The following MAST2 variants were observed in gnomAD, a reference collection of about 807,000 sequenced individuals.
MAST2 encodes the protein microtubule-associated serine/threonine-protein kinase 2.
MAST2 carries 70 observed loss-of-function variants against 147.4 expected under a neutral mutation model. The ratio of observed to expected loss-of-function variants is 0.47; its 90% confidence interval spans 0.39 to 0.58. The LOEUF is 0.58. Among genes scored for constraint, MAST2 ranks in the 20% least tolerant of loss-of-function variants. MAST2 has a pLI of 0.00. For synonymous variants in MAST2, 869 were observed against 896.8 expected (o/e 0.97, Z 0.55); for missense variants, 2,080 against 2,302.3 (o/e 0.90, Z 1.98).
In MAST2 at chr1:45,877,898, A is replaced by G. The variant is rs115378487; in HGVS notation, c.469-4466A>G. Among the ~76,000 whole-genome samples, 1,268 of 152,306 alleles carry G rather than the reference A, an allele frequency of 8.3e-3. 20 individuals are homozygous for G. Among genetic ancestry groups the G allele is most frequent in the African/African-American group, 0.029 (1,195 of 41,566 alleles). ...AGATATTAGCTAATAGAATCTAGCA[A>G]TGTATTTGATAAAATTGAAGTTAGG... On this transcript the variant is annotated intron_variant, in intron 3 of 28. Transcript: ENST00000361297.
In MAST2 at chr1:45,811,727, G is replaced by A. The variant is rs539344277; in HGVS notation, c.177+7655G>A. Among the ~76,000 whole-genome samples the A allele has an allele frequency of 7.2e-4, 106 of 147,894 alleles. 1 individual carries two copies. The highest frequency in any genetic ancestry group is 2.6e-3 in the African/African-American group (104 of 39,954). ...TGGCTCACTGCAAGCTCTGCCTCCC[G>A]GGTTCCCGCCGTTCTCCTGCCTCAG... On this transcript the variant is annotated intron_variant, in intron 1 of 28. Coordinates refer to ENST00000361297, the MANE Select transcript of MAST2 (RefSeq NM_015112.3).
intron 4 of MAST2, among the ~76,000 whole-genome samples, chr1:45,901,609 C>T (rs779897274): frequency 1.5e-4 from 23 of 152,252 alleles, no homozygotes; most frequent in Non-Finnish European, 2.8e-4. Flanking sequence ...TTCTTCCTAT[C>T]CATGATCATA....
chr1:45,924,613 C>CT (rs927720764), intron 4 of MAST2, among the ~76,000 whole-genome samples: 1 of 152,112 alleles, frequency 6.6e-6, no homozygotes, highest in African/African-American at 2.4e-5. Flanking sequence ...ATTAGGATGT[C>CT]TTTTTTATCT....
At chr1:45,992,087 G>C (rs1174828118) in intron 5 of MAST2, among the ~76,000 whole-genome samples, 1 of 152,146 alleles carries the variant, frequency 6.6e-6, no homozygotes, top group Non-Finnish European at 1.5e-5. Context: ...AATAGGAGTA[G>C]TGAGAGGCCA....
At chr1:46,025,586 C>T (rs935439935) in intron 15 of MAST2, 91 bp from the exon 16 acceptor site, 117 of 1,492,642 alleles carry the variant, frequency 7.8e-5, no homozygotes, top group Non-Finnish European at 9.4e-5. Context: ...GAAGCTGTCT[C>T]CTCTGGGACC....
intron 1 of MAST2, among the ~76,000 whole-genome samples, chr1:45,822,889 C>G (rs1644679457): frequency 6.6e-6 from 1 of 152,174 alleles, no homozygotes; most frequent in Non-Finnish European, 1.5e-5. Context: ...CCCTTGCTAC[C>G]TTCTGTTTTT....
At chr1:45,951,945 G>A (rs1001883881) in intron 4 of MAST2, among the ~76,000 whole-genome samples, 1 of 152,102 alleles carries the variant, frequency 6.6e-6, no homozygotes, top group South Asian at 2.1e-4. Context: ...AGCATGGTGA[G>A]TCCCCACTAT....
At chr1:45,853,893 C>G (rs7547284) in intron 3 of MAST2, among the ~76,000 whole-genome samples, 51,695 of 151,852 alleles carry the variant, frequency 0.34, 9,194 homozygotes, top group African/African-American at 0.44. Context: ...AACTCATGAT[C>G]AATTTTGAAG....
At chr1:45,871,176 A>AT (rs1315050529) in intron 3 of MAST2, among the ~76,000 whole-genome samples, 4 of 146,644 alleles carry the variant, frequency 2.7e-5, no homozygotes, top group African/African-American at 7.5e-5. Flanking sequence ...GTGCCATATT[A>AT]TTTTTTGTAT....
chr1:45,826,427 A>G (rs1644794644), intron 2 of MAST2, among the ~76,000 whole-genome samples: 1 of 152,108 alleles, frequency 6.6e-6, no homozygotes, highest in Admixed American at 6.5e-5. Flanking sequence ...ATCTCAGCTC[A>G]CTGCAACCTC....
intron 5 of MAST2, among the ~76,000 whole-genome samples, chr1:45,964,574 A>AT (rs1410709420): frequency 3.3e-5 from 5 of 152,186 alleles, no homozygotes; most frequent in South Asian, 2.1e-4. Flanking sequence ...CCCCTTTATC[A>AT]TTTTTTATTG....
chr1:45,853,227 A>T lies in MAST2; in HGVS notation c.468+23646A>T, dbSNP rs117446656. 1.6e-3 allele frequency among the ~76,000 whole-genome samples: 241 copies of T among 152,050 alleles called. 4 individuals are homozygous for T. The East Asian group carries it at 0.043, about 27-fold the overall frequency. ...TTACAGATATGAGCCCCATGCCCTA[A>T]AACTATAAACTTTTAAAAGTTTTGT... On this transcript the variant is annotated intron_variant, in intron 3 of 28. Transcript: ENST00000361297.
intron 4 of MAST2, among the ~76,000 whole-genome samples, chr1:45,935,659 C>A (rs1390428293): frequency 6.6e-6 from 1 of 152,060 alleles, no homozygotes. Flanking sequence ...TTCCTTTTTG[C>A]ATTGCTTTTG....
At chr1:45,919,005 C>G (rs1653024332) in intron 4 of MAST2, among the ~76,000 whole-genome samples, 1 of 152,068 alleles carries the variant, frequency 6.6e-6, no homozygotes, top group African/African-American at 2.4e-5. Context: ...TACCTGTAAT[C>G]CCTGCTACTC....
intron 1 of MAST2, among the ~76,000 whole-genome samples, chr1:45,815,965 A>G (rs909434481): frequency 2.6e-5 from 4 of 152,154 alleles, no homozygotes; most frequent in African/African-American, 4.8e-5. Flanking sequence ...TCAAACCCCA[A>G]TGTAGTCCTT....
At chr1:45,865,056 T>C in intron 3 of MAST2, 1 of 453,230 alleles carries the variant, frequency 2.2e-6, no homozygotes, top group Non-Finnish European at 4.4e-6. Context: ...TAGGCACTAG[T>C]AGTTGACTGT....
At chr1:45,850,630 T>G (rs1645593179) in intron 3 of MAST2, among the ~76,000 whole-genome samples, 1 of 152,172 alleles carries the variant, frequency 6.6e-6, no homozygotes, top group Non-Finnish European at 1.5e-5. Context: ...AATTTTTGTA[T>G]GTGGTGAAAG....
At chr1:45,868,719 T>A (rs1646261920) in intron 3 of MAST2, among the ~76,000 whole-genome samples, 2 of 152,178 alleles carry the variant, frequency 1.3e-5, no homozygotes. Flanking sequence ...ATTATGGTCA[T>A]CTTACAAAAT....
intron 3 of MAST2, among the ~76,000 whole-genome samples, chr1:45,844,158 G>A (rs1215503652): frequency 1.3e-5 from 2 of 152,094 alleles, no homozygotes; most frequent in African/African-American, 4.8e-5. Flanking sequence ...GGAGTGCAGT[G>A]GTGCAACCTT....
Sources: allele counts gnomAD v4.1 joint callset (sites outside exome capture counted in the v4.1 genomes callset), GRCh38; gene constraint gnomAD v4.1.1; transcripts MANE v1.5; gene names NCBI Gene and HGNC (gene_info 2026-07-23, HGNC 2026-07-21).